The following VRK2 variants were observed in gnomAD, a reference collection of about 807,000 sequenced individuals.
VRK2 encodes the protein VRK serine/threonine kinase 2.
Under a neutral mutation model 57.6 loss-of-function variants are expected in VRK2, and 60 were observed. The observed-to-expected ratio is 1.04, with a 90% confidence interval of 0.85 to 1.29. The LOEUF (loss-of-function observed/expected upper bound fraction) is 1.29, where lower values mean the gene tolerates loss of function less well. Ranked by LOEUF, VRK2 falls within the 50% of genes most tolerant of loss-of-function variation. VRK2 has a pLI of 0.00. For missense variants in VRK2, 705 were observed against 588.1 expected, an observed-to-expected ratio of 1.20 and a Z score of -2.06; for synonymous variants, 231 against 199.2, an observed-to-expected ratio of 1.16 and a Z score of -1.35.
intron 7 of VRK2, among the ~76,000 whole-genome samples, chr2:58,095,395 G>A (rs901022123): frequency 6.6e-6 from 1 of 151,744 alleles, no homozygotes; most frequent in African/African-American, 2.4e-5. Context: ...ATGTATAGAT[G>A]TTCATATATG....
At chr2:58,047,994 CAT>C (rs1202409179) in intron 1 of VRK2, among the ~76,000 whole-genome samples, 3 of 152,204 alleles carry the variant, frequency 2.0e-5, no homozygotes, top group African/African-American at 7.2e-5. Context: ...GTTACCTTCA[CAT>C]TTAAATTATT....
At chr2:58,011,228 G>A (rs1673408764) in intron 1 of VRK2, among the ~76,000 whole-genome samples, 1 of 152,166 alleles carries the variant, frequency 6.6e-6, no homozygotes, top group Non-Finnish European at 1.5e-5. Flanking sequence ...CTGCCCTAGG[G>A]CAAGGGCAAA....
intron 12 of VRK2, among the ~76,000 whole-genome samples, chr2:58,151,731 G>GTTCTTTTTTTTTTTTTTTTTT (rs1683068421): frequency 1.2e-4 from 2 of 16,722 alleles, no homozygotes; most frequent in African/African-American, 2.7e-4. Context: ...TTCTATGCTT[G>GTTCTTTTTTTTTTTTTTTTTT]TTTTTTTTTT....
At chr2:57,962,379 G>A (rs1428324483) in intron 1 of VRK2, among the ~76,000 whole-genome samples, 1 of 152,002 alleles carries the variant, frequency 6.6e-6, no homozygotes, top group Non-Finnish European at 1.5e-5. Context: ...GACCAACTCT[G>A]CCCCAATCCT....
intron 1 of VRK2, among the ~76,000 whole-genome samples, chr2:58,020,323 A>G (rs12990798): frequency 0.017 from 2,634 of 152,300 alleles, 24 homozygotes; most frequent in Middle Eastern, 0.051. Context: ...CTCCCACCTC[A>G]GCCTCCTACC....
intron 1 of VRK2, among the ~76,000 whole-genome samples, chr2:57,987,617 C>A (rs563521439): frequency 6.6e-6 from 1 of 152,222 alleles, no homozygotes; most frequent in East Asian, 1.9e-4. Context: ...ATTAAACATA[C>A]ACGAACCATA....
intron 11 of VRK2, among the ~76,000 whole-genome samples, chr2:58,140,041 T>G (rs558109374): frequency 6.6e-6 from 1 of 152,204 alleles, no homozygotes; most frequent in Admixed American, 6.6e-5. Context: ...TGGCCTACTA[T>G]GTACTATGAA....
chr2:57,972,939 G>C (rs1247975405), intron 1 of VRK2, among the ~76,000 whole-genome samples: 1 of 151,780 alleles, frequency 6.6e-6, no homozygotes, highest in East Asian at 1.9e-4. Flanking sequence ...GAGCATTTGG[G>C]TTCTTTCTAG....
At chr2:58,044,417 G>C (rs1220440206), upstream of VRK2, among the ~76,000 whole-genome samples, 1 of 152,224 alleles carries the variant, frequency 6.6e-6, no homozygotes, top group African/African-American at 2.4e-5. Flanking sequence ...GAAGGAAATG[G>C]TTGCCCATAT....
intron 8 of VRK2, among the ~76,000 whole-genome samples, chr2:58,126,512 T>C (rs1398553635): frequency 6.6e-6 from 1 of 152,086 alleles, no homozygotes; most frequent in Non-Finnish European, 1.5e-5. Context: ...ATTATGTTAT[T>C]ACCAAAAGAT....
intron 7 of VRK2, among the ~76,000 whole-genome samples, chr2:58,118,650 G>A (rs1390315626): frequency 6.6e-6 from 1 of 152,132 alleles, no homozygotes; most frequent in African/African-American, 2.4e-5. Flanking sequence ...GGAGGACAGG[G>A]GATTGATCTC....
At chr2:57,979,909 T>C (rs1558523733) in intron 1 of VRK2, among the ~76,000 whole-genome samples, 1 of 152,182 alleles carries the variant, frequency 6.6e-6, no homozygotes, top group Non-Finnish European at 1.5e-5. Flanking sequence ...TCTGATTATG[T>C]TTATTTGGAT....
At chr2:58,154,376 G>A (rs1683480648) in intron 12 of VRK2, among the ~76,000 whole-genome samples, 1 of 150,724 alleles carries the variant, frequency 6.6e-6, no homozygotes, top group Non-Finnish European at 1.5e-5. Flanking sequence ...ATATCTATGG[G>A]GTACAATGTG....
intron 7 of VRK2, among the ~76,000 whole-genome samples, chr2:58,104,440 C>T (rs774293386): frequency 1.0e-4 from 15 of 150,264 alleles, no homozygotes; most frequent in Non-Finnish European, 1.5e-4. Context: ...AGAACCAAAT[C>T]GAAAAGGCAA....
At chr2:57,945,464 T>C (rs1170669567) in intron 1 of VRK2, among the ~76,000 whole-genome samples, 1 of 152,154 alleles carries the variant, frequency 6.6e-6, no homozygotes, top group African/African-American at 2.4e-5. Context: ...CAGAGCATAA[T>C]TGTTGTTTCC....
chr2:57,953,703 C>G (rs1671495800), intron 1 of VRK2, among the ~76,000 whole-genome samples: 3 of 151,744 alleles, frequency 2.0e-5, no homozygotes, highest in Admixed American at 6.6e-5. Flanking sequence ...TGAAGAGTAA[C>G]ATGTTGATGG....
intron 12 of VRK2, among the ~76,000 whole-genome samples, chr2:58,151,971 C>T (rs1378291186): frequency 1.3e-5 from 2 of 151,414 alleles, no homozygotes; most frequent in African/African-American, 4.8e-5. Context: ...TATTTACTCT[C>T]AGGCATTTTA....
intron 1 of VRK2, among the ~76,000 whole-genome samples, chr2:57,935,705 T>C (rs545229484): frequency 1.3e-5 from 2 of 152,280 alleles, no homozygotes; most frequent in South Asian, 2.1e-4. Flanking sequence ...CTTAGTAATC[T>C]GGGTGAGGTA....
At chr2:57,992,454 G>A (rs1204591234) in intron 1 of VRK2, among the ~76,000 whole-genome samples, 2 of 152,174 alleles carry the variant, frequency 1.3e-5, no homozygotes, top group African/African-American at 4.8e-5. Context: ...TTGTTTTACA[G>A]TGAAAGAGAA....
Sources: allele counts gnomAD v4.1 joint callset (sites outside exome capture counted in the v4.1 genomes callset), GRCh38; gene constraint gnomAD v4.1.1; transcripts MANE v1.5; gene names NCBI Gene and HGNC (gene_info 2026-07-23, HGNC 2026-07-21).